EBF1: variants seen among roughly 807,000 people sequenced by gnomAD.
The protein encoded by EBF1 is transcription factor COE1.
In EBF1, 10 loss-of-function variants were observed where a neutral mutation model predicts 68.4. The observed-to-expected ratio is 0.15, with a 90% CI of 0.09 to 0.25. EBF1 has a LOEUF of 0.25. Ranked by LOEUF, EBF1 falls within the 10% of genes least tolerant of loss-of-function variation. The pLI, the probability that EBF1 is intolerant of heterozygous loss-of-function variation, is 1.00. For missense variants in EBF1, 509 were observed against 794.4 expected (o/e 0.64, Z 4.32); for synonymous variants, 298 against 299.8 (o/e 0.99, Z 0.06).
intron 7 of EBF1, among the ~76,000 whole-genome samples, chr5:158,830,328 G>A (rs1325181471): frequency 6.6e-6 from 1 of 151,978 alleles, no homozygotes; most frequent in Non-Finnish European, 1.5e-5. Context: ...CCGGACTGCA[G>A]GGCGTAATCT....
chr5:158,896,762 C>G (rs1437366533), intron 6 of EBF1, among the ~76,000 whole-genome samples: 1 of 152,190 alleles, frequency 6.6e-6, no homozygotes, highest in Non-Finnish European at 1.5e-5. Context: ...GGCCAAATGA[C>G]TCCAATAGCT....
intron 6 of EBF1, among the ~76,000 whole-genome samples, chr5:159,021,478 CTAAT>C (rs1766670358): frequency 6.6e-6 from 1 of 152,202 alleles, no homozygotes; most frequent in Non-Finnish European, 1.5e-5. Flanking sequence ...CCAAGCAACT[CTAAT>C]TAACTTCTGG....
At chr5:159,097,280 AG>A in intron 1 of EBF1, 150 bp from the exon 2 acceptor site, 2 of 878,482 alleles carry the variant, frequency 2.3e-6, no homozygotes, top group Non-Finnish European at 3.4e-6. Flanking sequence ...CAGGCGACAT[AG>A]ACCCAGCTGA....
intron 6 of EBF1, among the ~76,000 whole-genome samples, chr5:158,886,960 C>A (rs1350963379): frequency 6.6e-6 from 1 of 152,116 alleles, no homozygotes; most frequent in Non-Finnish European, 1.5e-5. Flanking sequence ...CGAGATCGTG[C>A]CATTGCACTC....
intron 7 of EBF1, among the ~76,000 whole-genome samples, chr5:158,831,561 A>T (rs1017445497): frequency 6.6e-6 from 1 of 152,216 alleles, no homozygotes; most frequent in Admixed American, 6.5e-5. Flanking sequence ...AGTTCTAAGA[A>T]AAAATAAAAT....
At chr5:158,702,743 CAAAAAAAAAAAAAAAAAAAA>C (rs58496050) in intron 15 of EBF1, among the ~76,000 whole-genome samples, 33 of 41,628 alleles carry the variant, frequency 7.9e-4, no homozygotes, top group South Asian at 1.7e-3. Context: ...GACTCCTTCT[CAAAAAAAAAAAAAAAAAAAA>C]AAAAAAAAAA....
intron 6 of EBF1, among the ~76,000 whole-genome samples, chr5:158,863,406 C>G (rs535542161): frequency 6.6e-6 from 1 of 152,190 alleles, no homozygotes; most frequent in Non-Finnish European, 1.5e-5. Flanking sequence ...ACCAATCTCC[C>G]CGGAATGAGA....
At chr5:158,879,420 C>T (rs910127830) in intron 6 of EBF1, among the ~76,000 whole-genome samples, 1 of 151,968 alleles carries the variant, frequency 6.6e-6, no homozygotes, top group Non-Finnish European at 1.5e-5. Context: ...GGTGTTTCTA[C>T]CTGAAAGATA....
intron 8 of EBF1, among the ~76,000 whole-genome samples, chr5:158,818,124 G>A (rs540602588): frequency 6.6e-6 from 1 of 152,258 alleles, no homozygotes; most frequent in African/African-American, 2.4e-5. Flanking sequence ...GCCCACAGAA[G>A]CAAAGTGACC....
At chr5:159,015,981 GA>G (rs1765546247) in intron 6 of EBF1, among the ~76,000 whole-genome samples, 1 of 152,162 alleles carries the variant, frequency 6.6e-6, no homozygotes, top group South Asian at 2.1e-4. Flanking sequence ...GGAACAAAAG[GA>G]AAATCCATAT....
chr5:158,834,910 G>A (rs1788416016), intron 7 of EBF1, among the ~76,000 whole-genome samples: 1 of 152,152 alleles, frequency 6.6e-6, no homozygotes, highest in Non-Finnish European at 1.5e-5. Context: ...GGCAAGAGAG[G>A]GTGTCTTCAG....
At chr5:158,853,940 T>C in intron 6 of EBF1, among the ~76,000 whole-genome samples, 1 of 152,002 alleles carries the variant, frequency 6.6e-6, no homozygotes, top group African/African-American at 2.4e-5. Flanking sequence ...CAGAGAGTAC[T>C]GGGAATTATC....
intron 7 of EBF1, among the ~76,000 whole-genome samples, chr5:158,829,965 G>A (rs1030239764): frequency 5.3e-5 from 8 of 152,210 alleles, no homozygotes; most frequent in Non-Finnish European, 1.2e-4. Flanking sequence ...TCATCTACAT[G>A]AGAAGCTCTC....
At position 158,699,855 on chromosome 5, in the gene EBF1, T is replaced by C. The variant is rs142869970; in HGVS notation, c.1745-713A>G. On this transcript the variant is annotated intron_variant, in intron 15 of 15. Coordinates refer to ENST00000313708, the MANE Select transcript of EBF1 (RefSeq NM_024007.5). ...GTAGCCTGGGGAAGCTGGAGTGAGA[T>C]CCTGGGAAAAAAGAAGCCTGTTTGA... 3.9e-3 allele frequency among the ~76,000 whole-genome samples: 589 copies of C among 152,238 alleles called. 11 individuals carry two copies. Among genetic ancestry groups the C allele is most frequent in the Admixed American group, 0.03 (459 of 15,296 alleles).
chr5:159,034,857 G>T (rs979722153), intron 6 of EBF1, among the ~76,000 whole-genome samples: 37 of 152,132 alleles, frequency 2.4e-4, no homozygotes, highest in African/African-American at 8.2e-4. Flanking sequence ...AGATCCTGCT[G>T]CCTGATGCTT....
intron 6 of EBF1, among the ~76,000 whole-genome samples, chr5:158,943,001 G>A (rs1813800122): frequency 7.8e-6 from 1 of 128,456 alleles, no homozygotes; most frequent in Non-Finnish European, 1.6e-5. Context: ...AAGGGAGGAA[G>A]GGAGGAAAGG....
intron 6 of EBF1, among the ~76,000 whole-genome samples, chr5:158,917,511 A>G (rs772265982): frequency 3.9e-5 from 6 of 152,242 alleles, no homozygotes; most frequent in Non-Finnish European, 7.3e-5. Context: ...CTCAAGGGTC[A>G]TGTGCAAACC....
chr5:158,862,363 C>T (rs1457879782), intron 6 of EBF1, among the ~76,000 whole-genome samples: 13 of 152,016 alleles, frequency 8.6e-5, no homozygotes, highest in African/African-American at 3.1e-4. Context: ...AAAACAAGAA[C>T]ACACAAACAA....
At chr5:158,732,247 C>T (rs1421362550) in intron 10 of EBF1, among the ~76,000 whole-genome samples, 1 of 152,120 alleles carries the variant, frequency 6.6e-6, no homozygotes, top group Non-Finnish European at 1.5e-5. Context: ...AACAAGTTGC[C>T]ACACGTTTTG....
Sources: gnomAD v4.1 joint callset for allele counts (sites outside exome capture counted in the v4.1 genomes callset) on GRCh38, gnomAD v4.1.1 for gene constraint, MANE v1.5 for transcripts, NCBI Gene and HGNC (gene_info 2026-07-23, HGNC 2026-07-21) for gene names.